Variants in CEP350 observed in about 807,000 individuals in gnomAD.
CEP350 encodes the protein centrosomal protein 350.
CEP350 carries 126 observed loss-of-function variants against 331.8 expected under a neutral mutation model. That is an observed-to-expected ratio of 0.38 (90% CI 0.33 to 0.44). CEP350 has a LOEUF of 0.44. Ranked by LOEUF, CEP350 falls within the 20% of genes least tolerant of loss-of-function variation. The pLI is 1.00. For missense variants in CEP350, 3,406 were observed against 3,634.6 expected, an observed-to-expected ratio of 0.94 and a Z score of 1.62; for synonymous variants, 1,200 against 1,259.5, an observed-to-expected ratio of 0.95 and a Z score of 1.00.
At chr1:180,102,351 G>A (rs1037573439) in intron 37 of CEP350, among the ~76,000 whole-genome samples, 3 of 152,110 alleles carry the variant, frequency 2.0e-5, no homozygotes, top group Non-Finnish European at 2.9e-5. Flanking sequence ...GGCCAGGCTG[G>A]TCTCAAGCTC....
intron 1 of CEP350, chr1:179,968,669 C>T: frequency 4.3e-6 from 2 of 469,402 alleles, no homozygotes. Context: ...GAAACTTTTA[C>T]AATATCCAGA....
At chr1:180,042,334 G>T (rs1055970855) in intron 19 of CEP350, among the ~76,000 whole-genome samples, 1 of 152,056 alleles carries the variant, frequency 6.6e-6, no homozygotes, top group African/African-American at 2.4e-5. Flanking sequence ...TATAACGTGG[G>T]TATAGCCCAA....
intron 1 of CEP350, among the ~76,000 whole-genome samples, chr1:179,978,815 A>G (rs946990925): frequency 1.3e-4 from 20 of 152,198 alleles, no homozygotes; most frequent in African/African-American, 4.6e-4. Context: ...GTTTTGCCTA[A>G]TATAATTGTG....
chr1:180,090,035 G>T (rs953764640), intron 32 of CEP350, among the ~76,000 whole-genome samples: 2 of 152,174 alleles, frequency 1.3e-5, no homozygotes, highest in African/African-American at 2.4e-5. Context: ...AATAAGAGAG[G>T]ACAGTAATAT....
At chr1:180,017,476 A>G (rs995524897) in intron 11 of CEP350, among the ~76,000 whole-genome samples, 3 of 152,098 alleles carry the variant, frequency 2.0e-5, no homozygotes, top group African/African-American at 7.2e-5. Flanking sequence ...CTGCTATATT[A>G]ATGTCTTCAA....
Position 180,020,116 on chromosome 1 carries a change from C to A in CEP350, c.2342C>A (p.Thr781Asn). 1 of 1,613,964 alleles carries A rather than the reference C, an allele frequency of 6.2e-7. No homozygotes were observed. Among genetic ancestry groups the A allele is most frequent in the Non-Finnish European group, 8.5e-7 (1 of 1,179,880 alleles). Reference protein sequence around the residue: ...LHKDFESILPTRKNHNMASRP... With the variant: ...LHKDFESILPNRKNHNMASRP... ...AAGGATTTTGAATCTATTTTACCAA[C>A]CAGGAAGAATCATAATATGGCTTCA... Residue 781 changes from threonine to asparagine, a missense_variant, in exon 12 of 38, where the codon ACC becomes AAC. Around this residue, in one of 5 missense-constraint regions of CEP350, gnomAD observed 1,857 missense variants for 1,909.2 expected, o/e 0.97. Transcript: ENST00000367607.
intron 37 of CEP350, 99 bp from the exon 38 acceptor site, chr1:180,110,898 G>T: frequency 1.0e-6 from 1 of 974,580 alleles, no homozygotes; most frequent in Non-Finnish European, 1.5e-6. Flanking sequence ...TTATTTCCTT[G>T]GGCTGTATTC....
intron 37 of CEP350, among the ~76,000 whole-genome samples, chr1:180,108,369 C>T (rs1226941589): frequency 2.6e-5 from 4 of 152,150 alleles, no homozygotes; most frequent in Non-Finnish European, 1.5e-5. Context: ...CAGCATGGCT[C>T]ATGCCTGTAA....
At position 180,013,885 on chromosome 1, in the gene CEP350, G is replaced by T. The variant is rs367815077; in HGVS notation, c.1432G>T (p.Asp478Tyr). 3.7e-6 allele frequency: 6 copies of T among 1,612,864 alleles called. No individual in the cohort carries two copies. Among genetic ancestry groups the T allele is most frequent in the Middle Eastern group, 1.6e-4 (1 of 6,082 alleles). The change falls in exon 10 of 38, where the codon GAC becomes TAC. Residue 478 changes from aspartate (D) to tyrosine (Y), a missense_variant. Around this residue, in one of 5 missense-constraint regions of CEP350, gnomAD observed 1,857 missense variants for 1,909.2 expected, o/e 0.97. Coordinates refer to ENST00000367607, the MANE Select transcript of CEP350 (RefSeq NM_014810.5). ...IGRAESDPRLDVLHRHLQRNS... is the reference protein window; with the variant it reads ...IGRAESDPRLYVLHRHLQRNS... The stretch of plus-strand genomic sequence containing the variant: ...AAGAGCAGAATCTGATCCCAGGTTG[G>T]ACGTTTTACATAGACATCTTCAAAG...
At chr1:180,080,801 A>G (rs903660453) in intron 30 of CEP350, 140 bp downstream of exon 30, 48 of 721,500 alleles carry the variant, frequency 6.7e-5, no homozygotes, top group African/African-American at 5.3e-4. Context: ...GAAGAAGATT[A>G]ATACCATATT....
At chr1:179,970,201 T>C (rs904605788) in intron 1 of CEP350, among the ~76,000 whole-genome samples, 14 of 152,210 alleles carry the variant, frequency 9.2e-5, no homozygotes, top group Non-Finnish European at 1.9e-4. Flanking sequence ...CTCTACTTCC[T>C]ATGCTGCAAA....
chr1:180,017,385 G>A (rs1441057245), intron 11 of CEP350, among the ~76,000 whole-genome samples: 1 of 152,142 alleles, frequency 6.6e-6, no homozygotes, highest in Non-Finnish European at 1.5e-5. Context: ...TTTTCTAAGT[G>A]TCGTCTCTGG....
intron 32 of CEP350, 103 bp downstream of exon 32, chr1:180,087,820 G>A: frequency 4.3e-6 from 5 of 1,171,536 alleles, no homozygotes; most frequent in Admixed American, 3.9e-5. Context: ...AATTACAGAA[G>A]TAAAAATATT....
In CEP350 at chr1:180,095,944, A is replaced by G. The variant is rs1363595394; in HGVS notation, c.8919+14A>G. On this transcript the variant is annotated intron_variant, in intron 35 of 37. Coordinates refer to ENST00000367607, the MANE Select transcript of CEP350 (RefSeq NM_014810.5). ...GTCTACAAACAGGTAGGTGAAATAA[A>G]AGGATAATTTTAGTTTTTAAACTTT... is the stretch of plus-strand genomic sequence containing the variant. 2 of 1,587,516 alleles carry G rather than the reference A, an allele frequency of 1.3e-6. No individual in the cohort carries two copies. The highest frequency in any genetic ancestry group is 1.1e-5 in the South Asian group (1 of 87,138).
chr1:180,067,037 C>A (rs978111041), intron 27 of CEP350, among the ~76,000 whole-genome samples: 3 of 152,160 alleles, frequency 2.0e-5, no homozygotes, highest in Admixed American at 2.0e-4. Context: ...GTAGAAAAAA[C>A]TTAATTCCAG....
In CEP350 at chr1:180,093,876, T is replaced by C; in HGVS notation, c.7771T>C (p.Tyr2591His). 1 of 1,613,874 alleles carries C rather than the reference T, an allele frequency of 6.2e-7. No individual in the cohort carries two copies. Among genetic ancestry groups the C allele is most frequent in the East Asian group, 2.2e-5 (1 of 44,876 alleles). The stretch of plus-strand genomic sequence containing the variant: ...TTACTCAGATGAACGATATCAGTGC[T>C]ATAATCAAGAGCAAAATGATACAGA... ...DCYSDERYQC[Y>H]NQEQNDTEGP... Residue 2591 changes from tyrosine (Y) to histidine (H), a missense_variant, in exon 34 of 38, where the codon TAT becomes CAT. Physicochemically the swap from Tyr to His is moderately conservative, Grantham distance 83 (BLOSUM62 2). Coordinates refer to ENST00000367607, the MANE Select transcript of CEP350 (RefSeq NM_014810.5).
chr1:180,005,754 C>A (rs1558093880), intron 7 of CEP350, among the ~76,000 whole-genome samples: 1 of 152,242 alleles, frequency 6.6e-6, no homozygotes, highest in South Asian at 2.1e-4. Flanking sequence ...CTAATCTTCT[C>A]TTTTTTCAGT....
In CEP350 at chr1:180,062,325, A is replaced by G. The variant is rs752060769; in HGVS notation, c.5368A>G (p.Lys1790Glu). ...EIEKIRQTTI[K>E]LQEKLKSAGE... ...AGAAAAGATCCGACAGACCACCATAAAACTACAGGAGAAATTGAAGTCTGC... is the reference window on the plus strand; with the variant it reads ...AGAAAAGATCCGACAGACCACCATAGAACTACAGGAGAAATTGAAGTCTGC... The change falls in exon 26 of 38, where the codon AAA becomes GAA. Residue 1790 changes from lysine (K) to glutamate (E), a missense_variant. This residue lies in a region of CEP350 where 1,415 missense variants were observed against 1,512.3 expected (regional missense o/e 0.94). Coordinates refer to ENST00000367607, the MANE Select transcript of CEP350 (RefSeq NM_014810.5). The G allele has an allele frequency of 3.1e-6, 5 of 1,610,636 alleles. No homozygotes were observed. Among genetic ancestry groups the G allele is most frequent in the Non-Finnish European group, 1.7e-6 (2 of 1,178,208 alleles).
chr1:180,032,665 C>T (rs1656098768), intron 15 of CEP350, among the ~76,000 whole-genome samples: 1 of 151,640 alleles, frequency 6.6e-6, no homozygotes, highest in South Asian at 2.1e-4. Flanking sequence ...CCTGTAGTCA[C>T]TCTTTGTCCC....
Sources: allele counts gnomAD v4.1 joint callset (sites outside exome capture counted in the v4.1 genomes callset), GRCh38; gene constraint gnomAD v4.1.1; regional missense constraint gnomAD v4.1.1; transcripts MANE v1.5; gene names NCBI Gene and HGNC (gene_info 2026-07-23, HGNC 2026-07-21).